MAP4: variants seen among roughly 807,000 people sequenced by gnomAD.
MAP4 encodes microtubule associated protein 4.
Under a neutral mutation model 170.2 loss-of-function variants are expected in MAP4, and 76 were observed. The observed-to-expected ratio is 0.45, with a 90% CI of 0.37 to 0.54. The LOEUF (loss-of-function observed/expected upper bound fraction) is 0.54. Ranked by LOEUF, MAP4 falls within the 20% of genes least tolerant of loss-of-function variation. The pLI is 0.00. For missense variants in MAP4, 2,506 were observed against 2,748.0 expected, an observed-to-expected ratio of 0.91 and a Z score of 1.97; for synonymous variants, 909 against 994.5, an observed-to-expected ratio of 0.91 and a Z score of 1.62.
chr3:47,974,294 G>A (rs546164961), intron 3 of MAP4: 14 of 307,944 alleles, frequency 4.5e-5, no homozygotes, highest in African/African-American at 2.0e-4. Flanking sequence ...GTGTGGTGGC[G>A]CACACCTATA....
chr3:47,870,676 G>T, intron 15 of MAP4, 137 bp downstream of exon 15: 1 of 886,176 alleles, frequency 1.1e-6, no homozygotes, highest in Non-Finnish European at 1.6e-6. Flanking sequence ...CCACTACAGA[G>T]CCCCGGCTGA....
At chr3:48,042,950 C>A (rs2100122435) in intron 1 of MAP4, among the ~76,000 whole-genome samples, 1 of 152,066 alleles carries the variant, frequency 6.6e-6, no homozygotes, top group Non-Finnish European at 1.5e-5. Flanking sequence ...AAAGTAGATT[C>A]ATGGTTGCCT....
chr3:47,942,221 TTAAGAG>T (rs2100056956), intron 3 of MAP4, among the ~76,000 whole-genome samples: 1 of 152,114 alleles, frequency 6.6e-6, no homozygotes, highest in South Asian at 2.1e-4. Flanking sequence ...CAGTATCTCA[TTAAGAG>T]CTAAACTTAA....
chr3:48,079,183 C>T (rs1240457983), intron 1 of MAP4, among the ~76,000 whole-genome samples: 1 of 151,850 alleles, frequency 6.6e-6, no homozygotes, highest in African/African-American at 2.4e-5. Flanking sequence ...CACAAAAATC[C>T]GAAATCTGAA....
At chr3:48,006,137 T>C (rs1038194504) in intron 1 of MAP4, among the ~76,000 whole-genome samples, 3 of 152,160 alleles carry the variant, frequency 2.0e-5, no homozygotes, top group Non-Finnish European at 4.4e-5. Flanking sequence ...ATTTGAATTA[T>C]AAAAAGAGAA....
chr3:47,996,737 G>GACACACACACACACACACAC (rs57673370), intron 2 of MAP4, among the ~76,000 whole-genome samples: 89 of 146,538 alleles, frequency 6.1e-4, no homozygotes, highest in African/African-American at 2.1e-3. Context: ...CAAAAACTAA[G>GACACACACACACACACACAC]ACACACACAC....
In MAP4 at chr3:48,005,305, G is replaced by A. The variant is rs180749525; in HGVS notation, c.-19-6426C>T. ...GAACCCGGGAGGCGGAGGTTGCAGT[G>A]AGCTGAGATTGTGCCACTGCACTCT... is the stretch of plus-strand genomic sequence containing the variant. On this transcript the variant is annotated intron_variant, in intron 1 of 20. Transcript: ENST00000683076. Among the ~76,000 whole-genome samples, 397 of 150,858 alleles carry A rather than the reference G, an allele frequency of 2.6e-3. 2 individuals are homozygous for A. The highest frequency in any genetic ancestry group is 9.5e-3 in the African/African-American group (388 of 40,864).
chr3:48,070,081 C>T (rs1314474897), intron 1 of MAP4, among the ~76,000 whole-genome samples: 2 of 152,120 alleles, frequency 1.3e-5, no homozygotes, highest in Non-Finnish European at 2.9e-5. Context: ...TCAAGTAAGC[C>T]TCCTGCCTTA....
chr3:47,876,282 C>A lies in MAP4; in HGVS notation c.5542-382G>T, dbSNP rs137973628. Among the ~76,000 whole-genome samples, 777 of 152,044 alleles carry A rather than the reference C, an allele frequency of 5.1e-3. 10 individuals are homozygous for A. Among genetic ancestry groups the A allele is most frequent in the African/African-American group, 0.018 (749 of 41,456 alleles). ...AAGTAGCTGGGACTACCAGCGTGTG[C>A]CACCACACCCAGCTAATTTTTTGTA... On this transcript the variant is annotated intron_variant, in intron 11 of 20. Coordinates refer to ENST00000683076, the MANE Select transcript of MAP4 (RefSeq NM_001385682.1).
chr3:47,882,063 G>T (rs2096856764), intron 10 of MAP4, among the ~76,000 whole-genome samples: 1 of 152,232 alleles, frequency 6.6e-6, no homozygotes, highest in African/African-American at 2.4e-5. Context: ...CTTATCACCT[G>T]AAGTCAGGAG....
At chr3:48,022,202 G>A (rs2100110902) in intron 1 of MAP4, among the ~76,000 whole-genome samples, 1 of 152,212 alleles carries the variant, frequency 6.6e-6, no homozygotes, top group Non-Finnish European at 1.5e-5. Flanking sequence ...AGCCCTAAAT[G>A]TGAACGGTAA....
intron 10 of MAP4, chr3:47,892,559 G>A (rs1341820618): frequency 2.1e-6 from 3 of 1,447,348 alleles, no homozygotes; most frequent in Non-Finnish European, 2.7e-6. Context: ...ATCACACAGA[G>A]CTTGCAGTGA....
At chr3:47,994,047 T>A (rs1259499801) in intron 2 of MAP4, among the ~76,000 whole-genome samples, 1 of 152,112 alleles carries the variant, frequency 6.6e-6, no homozygotes, top group African/African-American at 2.4e-5. Context: ...CTTTTTTGTT[T>A]CCTAATCTTT....
At chr3:47,953,229 A>T (rs1265801780) in intron 3 of MAP4, among the ~76,000 whole-genome samples, 1 of 152,188 alleles carries the variant, frequency 6.6e-6, no homozygotes, top group Non-Finnish European at 1.5e-5. Flanking sequence ...CTTACAAAAA[A>T]AAACACAAAA....
chr3:48,048,662 G>A (rs2100125867), intron 1 of MAP4, among the ~76,000 whole-genome samples: 1 of 151,884 alleles, frequency 6.6e-6, no homozygotes, highest in South Asian at 2.1e-4. Flanking sequence ...GACCACAGGT[G>A]CATGCCGCCA....
intron 6 of MAP4, 73 bp from the exon 7 acceptor site, chr3:47,917,247 A>C: frequency 7.8e-7 from 1 of 1,286,174 alleles, no homozygotes; most frequent in Non-Finnish European, 1.1e-6. Context: ...TTCTTCAGGC[A>C]TGAGAGTATT....
intron 1 of MAP4, among the ~76,000 whole-genome samples, chr3:48,002,078 T>C (rs1224823385): frequency 1.3e-5 from 2 of 151,904 alleles, no homozygotes; most frequent in Admixed American, 6.6e-5. Context: ...CATGCACCTG[T>C]AGTTCTAGCC....
chr3:47,892,700 C>A, intron 10 of MAP4: 1 of 1,359,702 alleles, frequency 7.4e-7, no homozygotes, highest in Non-Finnish European at 9.4e-7. Context: ...TGAATGAAAG[C>A]GAAAGAAAGG....
intron 3 of MAP4, among the ~76,000 whole-genome samples, chr3:47,971,213 T>C (rs960129482): frequency 6.6e-6 from 1 of 152,224 alleles, no homozygotes; most frequent in African/African-American, 2.4e-5. Context: ...TTGGTGGAGT[T>C]CGGATGGATG....
Sources: allele counts gnomAD v4.1 joint callset (sites outside exome capture counted in the v4.1 genomes callset), GRCh38; gene constraint gnomAD v4.1.1; transcripts MANE v1.5; gene names NCBI Gene and HGNC (gene_info 2026-07-23, HGNC 2026-07-21).